The following CNGA3 variants were observed in gnomAD, a reference collection of about 807,000 sequenced individuals.
CNGA3 encodes the protein cyclic nucleotide gated channel subunit alpha 3.
Under a neutral mutation model 46.6 loss-of-function variants are expected in CNGA3, and 42 were observed. That is an observed-to-expected ratio of 0.90 (90% confidence interval 0.70 to 1.17). The LOEUF (loss-of-function observed/expected upper bound fraction) is 1.17, where lower values mean the gene tolerates loss of function less well. Ranked by LOEUF, CNGA3 falls within the 50% of genes most tolerant of loss-of-function variation. CNGA3 has a pLI of 0.00. For synonymous variants in CNGA3, 394 were observed against 369.4 expected, an observed-to-expected ratio of 1.07 and a Z score of -0.76; for missense variants, 893 against 890.7, an observed-to-expected ratio of 1.00 and a Z score of -0.03.
intron 5 of CNGA3, among the ~76,000 whole-genome samples, chr2:98,385,341 T>A (rs1473847360): frequency 6.6e-6 from 1 of 152,236 alleles, no homozygotes; most frequent in African/African-American, 2.4e-5. Flanking sequence ...GAGGGGTAAC[T>A]TTCCTTGCTC....
chr2:98,390,039 C>T (rs546769442), intron 6 of CNGA3, among the ~76,000 whole-genome samples: 3 of 152,204 alleles, frequency 2.0e-5, no homozygotes, highest in East Asian at 1.9e-4. Context: ...GTGAGTTGTA[C>T]GAGGAGGATG....
chr2:98,358,297 T>C (rs886616270), intron 1 of CNGA3, among the ~76,000 whole-genome samples: 1 of 152,196 alleles, frequency 6.6e-6, no homozygotes, highest in Non-Finnish European at 1.5e-5. Flanking sequence ...AAGAGTAAAA[T>C]TTTTTCTTTT....
chr2:98,379,880 C>A lies in CNGA3; in HGVS notation c.216-295C>A, dbSNP rs1692497951. 3 of 499,488 alleles carry A rather than the reference C, an allele frequency of 6.0e-6. No individual in the cohort carries two copies. In the East Asian group the frequency reaches 1.1e-4, roughly 18 times the overall value. The allele number at this position is 499,488 out of a possible 1,614,324, so 30.9% of individuals were successfully genotyped here. A position where few individuals can be genotyped will look rare whatever the true frequency, so the allele number is the denominator to read the frequency against. On this transcript the variant is annotated intron_variant, in intron 3 of 7. Transcript: ENST00000272602. ...CCCATTTGAAGGATCATGCCTTAGG[C>A]AGAGTCCAAGTGCTGCAAGGACAAA...
At chr2:98,383,532 C>A in intron 5 of CNGA3, 91 bp downstream of exon 5, 1 of 1,136,998 alleles carries the variant, frequency 8.8e-7, no homozygotes. Context: ...CTTAGTGCTC[C>A]TGCTCCCCAC....
chr2:98,353,485 T>A (rs908999731), intron 1 of CNGA3, among the ~76,000 whole-genome samples: 2 of 152,218 alleles, frequency 1.3e-5, no homozygotes, highest in Non-Finnish European at 2.9e-5. Context: ...GCCATCCTAG[T>A]CAGTGTTGAG....
At chr2:98,378,013 A>T in intron 3 of CNGA3, 2 of 1,538,692 alleles carry the variant, frequency 1.3e-6, no homozygotes, top group Non-Finnish European at 1.8e-6. Flanking sequence ...AACTGCCTTT[A>T]TCTGAAATTG....
chr2:98,395,141 C>T (rs1447302949), intron 7 of CNGA3, among the ~76,000 whole-genome samples: 1 of 152,162 alleles, frequency 6.6e-6, no homozygotes, highest in Non-Finnish European at 1.5e-5. Context: ...TAAAAATAAA[C>T]CTCTAAATCA....
chr2:98,354,096 T>C (rs1691826421), intron 1 of CNGA3, among the ~76,000 whole-genome samples: 1 of 152,252 alleles, frequency 6.6e-6, no homozygotes, highest in Non-Finnish European at 1.5e-5. Flanking sequence ...TACAACCTCC[T>C]GTGTACTGTA....
chr2:98,384,048 G>A (rs899615894), intron 5 of CNGA3, among the ~76,000 whole-genome samples: 4 of 151,940 alleles, frequency 2.6e-5, no homozygotes, highest in Non-Finnish European at 5.9e-5. Context: ...CACCACACCC[G>A]GCTAGTTTTT....
chr2:98,394,598 C>G (rs1235868007), intron 7 of CNGA3, among the ~76,000 whole-genome samples: 1 of 152,214 alleles, frequency 6.6e-6, no homozygotes, highest in African/African-American at 2.4e-5. Context: ...TCATCTGTTC[C>G]TTTTCTTGTT....
At chr2:98,386,257 G>C (rs1692651548) in intron 5 of CNGA3, among the ~76,000 whole-genome samples, 1 of 152,204 alleles carries the variant, frequency 6.6e-6, no homozygotes, top group Non-Finnish European at 1.5e-5. Context: ...CTTCGTAAAT[G>C]TGATTACATT....
chr2:98,370,780 G>A lies in CNGA3; in HGVS notation c.101+704G>A, dbSNP rs1193127326. On this transcript the variant is annotated intron_variant, in intron 2 of 7. Transcript: ENST00000272602. ...GTATAATAGTGAGGACACCCGAAGG[G>A]ACCTATTTACTGTACATAGAGCTAA... Among the ~76,000 whole-genome samples the A allele has an allele frequency of 2.0e-5, 3 of 152,150 alleles. No homozygotes were observed. In the East Asian group the frequency reaches 5.8e-4, roughly 29 times the overall value.
chr2:98,360,137 G>A (rs1323493438), intron 1 of CNGA3, among the ~76,000 whole-genome samples: 3 of 152,198 alleles, frequency 2.0e-5, no homozygotes, highest in South Asian at 2.1e-4. Context: ...TCCTGGCTCC[G>A]GCCTTCAGCA....
chr2:98,388,670 C>G (rs13003266), intron 5 of CNGA3, among the ~76,000 whole-genome samples: 4,146 of 152,368 alleles, frequency 0.027, 77 homozygotes, highest in Middle Eastern at 0.068. Flanking sequence ...ATGTGCCCCC[C>G]ACCCGAAGCA....
chr2:98,387,647 G>A (rs896616299), intron 5 of CNGA3, among the ~76,000 whole-genome samples: 2 of 152,174 alleles, frequency 1.3e-5, no homozygotes, highest in East Asian at 1.9e-4. Flanking sequence ...GAACCGTCTC[G>A]CAGCCCAGCA....
At chr2:98,377,592 G>A in intron 2 of CNGA3, 95 bp from the exon 3 acceptor site, 2 of 1,255,880 alleles carry the variant, frequency 1.6e-6, no homozygotes, top group Non-Finnish European at 2.3e-6. Context: ...GGCTTTCCCT[G>A]CTAAGCAGAA....
intron 5 of CNGA3, among the ~76,000 whole-genome samples, chr2:98,388,660 A>G (rs1692715275): frequency 1.3e-5 from 2 of 152,250 alleles, no homozygotes. Flanking sequence ...GAGCCTGCTC[A>G]TGTGCCCCCC....
At chr2:98,372,061 G>A (rs1031909269) in intron 2 of CNGA3, among the ~76,000 whole-genome samples, 1 of 152,234 alleles carries the variant, frequency 6.6e-6, no homozygotes, top group Non-Finnish European at 1.5e-5. Context: ...GAAGGCAGTA[G>A]TGGGATCTCA....
intron 1 of CNGA3, among the ~76,000 whole-genome samples, chr2:98,348,868 G>A (rs997247690): frequency 6.6e-6 from 1 of 152,198 alleles, no homozygotes; most frequent in African/African-American, 2.4e-5. Context: ...TGCATTCCGG[G>A]TGTAAATGGA....
Sources: allele counts gnomAD v4.1 joint callset (sites outside exome capture counted in the v4.1 genomes callset), GRCh38; gene constraint gnomAD v4.1.1; transcripts MANE v1.5; gene names NCBI Gene and HGNC (gene_info 2026-07-23, HGNC 2026-07-21).